The following RECQL4 variants were observed in gnomAD, a reference collection of about 807,000 sequenced individuals.
RECQL4 encodes the protein RecQ like helicase 4.
Under a neutral mutation model 128.6 loss-of-function variants are expected in RECQL4, and 158 were observed. The ratio of observed to expected loss-of-function variants is 1.23; its 90% CI spans 1.08 to 1.40. The LOEUF (loss-of-function observed/expected upper bound fraction) is 1.40, where lower values mean the gene tolerates loss of function less well. RECQL4 is among the 40% of genes most tolerant of loss of function. RECQL4 has a pLI of 0.00. For missense variants in RECQL4, 2,293 were observed against 1,649.8 expected, an observed-to-expected ratio of 1.39 and a Z score of -6.75; for synonymous variants, 996 against 678.9, an observed-to-expected ratio of 1.47 and a Z score of -7.26.
In RECQL4 at chr8:144,512,011, G is replaced by C. The variant is rs1342629535; in HGVS notation, c.3293C>G (p.Thr1098Ser). ...GCGGCCGAGCAGGTCCTTGAGCCTG[G>C]TGCTGCGCTCCTCATCCTGCTGCTC... is the stretch of plus-strand genomic sequence containing the variant. The part of the protein sequence containing the change: ...CLEQQDEERS[T>S]RLKDLLGRYF... The change falls in exon 19 of 21, where the codon ACC (threonine) becomes AGC (serine). Residue 1098 changes from threonine to serine, a missense_variant. Thr to Ser is a moderately conservative substitution (Grantham distance 58). Coordinates refer to ENST00000617875, the MANE Select transcript of RECQL4 (RefSeq NM_004260.4). 1.2e-6 allele frequency: 2 copies of C among 1,609,396 alleles called. No individual in the cohort carries two copies. The highest frequency in any genetic ancestry group is 1.7e-5 in the Admixed American group (1 of 59,626).
In RECQL4 at chr8:144,513,633, G is replaced by T; in HGVS notation, c.2138C>A (p.Thr713Lys). ...TCGGAGGAGCGCAGCGATCCGCTCT[G>T]TGTCCTCGCGCCGGTTGCAGTAAAT... Reference protein sequence around the residue: ...IIIYCNRREDTERIAALLRTC... With the variant: ...IIIYCNRREDKERIAALLRTC... The change falls in exon 13 of 21, where the codon ACA (threonine) becomes AAA (lysine). Residue 713 changes from threonine (T) to lysine (K), a missense_variant. Thr to Lys is a moderately conservative substitution (Grantham distance 78). Transcript: ENST00000617875. The T allele has an allele frequency of 6.3e-7, 1 of 1,595,080 alleles. No individual in the cohort carries two copies. The highest frequency in any genetic ancestry group is 1.8e-5 in the Admixed American group (1 of 56,798).
Position 144,517,286 on chromosome 8 carries a change from C to T in RECQL4, c.214-96G>A, listed in dbSNP as rs1815288318. On this transcript the variant is annotated intron_variant, in intron 3 of 20. Transcript: ENST00000617875. Reference sequence around the variant, plus strand: ...CCCGCACCTGGAGCGAGGCCCGGCCCTTCTTCACTTTGCCCAGTCCCCCTC... The same window carrying T: ...CCCGCACCTGGAGCGAGGCCCGGCCTTTCTTCACTTTGCCCAGTCCCCCTC... 2.7e-6 allele frequency: 4 copies of T among 1,504,632 alleles called. No homozygotes were observed. The East Asian group carries it at 9.9e-5, about 37-fold the overall frequency. 93.2% of individuals were successfully genotyped at this position (1,504,632 alleles called of 1,614,324 possible). A position where few individuals can be genotyped will look rare whatever the true frequency, so the allele number is the denominator to read the frequency against.
chr8:144,513,499 G>A lies in RECQL4; in HGVS notation c.2201-19C>T, dbSNP rs1346902810. ...GCACGACCTTTGGGGAAGACAGGCA[G>A]ATGGTCAGTGGGATGGGACCATGTG... On this transcript the variant is annotated intron_variant, in intron 13 of 20. Transcript: ENST00000617875. The A allele has an allele frequency of 1.2e-6, 2 of 1,610,422 alleles. No homozygotes were observed. The highest frequency in any genetic ancestry group is 1.1e-5 in the South Asian group (1 of 91,056).
chr8:144,514,451 G>C lies in RECQL4; in HGVS notation c.1695C>G (p.Val565=), dbSNP rs577547011. The C allele has an allele frequency of 1.2e-6, 2 of 1,612,086 alleles. No homozygotes were observed. Among genetic ancestry groups the C allele is most frequent in the African/African-American group, 1.3e-5 (1 of 75,030 alleles). The change falls in exon 10 of 21, where the codon GTC becomes GTG. Residue 565 remains valine (V), a synonymous_variant. Coordinates refer to ENST00000617875, the MANE Select transcript of RECQL4 (RefSeq NM_004260.4). The part of the protein sequence containing the change: ...SGMTRKQRES[V]LQKIRAAQVH... Reference sequence around the variant, plus strand: ...CCCATGAGGCCCCCACCTTCTGCAGGACAGATTCCCGTTGCTTCCTGGTCA... The same window carrying C: ...CCCATGAGGCCCCCACCTTCTGCAGCACAGATTCCCGTTGCTTCCTGGTCA...
At chr8:144,517,239 A>C in intron 3 of RECQL4, 49 bp from the exon 4 acceptor site, 1 of 1,542,778 alleles carries the variant, frequency 6.5e-7, no homozygotes, top group Non-Finnish European at 8.7e-7. Flanking sequence ...TTGTGGCGGC[A>C]GAAGCGCTCC....
rs1427690035 is a variant in RECQL4, at chr8:144,513,995, A to T, written c.1991T>A (p.Leu664His). The T allele has an allele frequency of 2.6e-6, 4 of 1,567,890 alleles. No homozygotes were observed. Among genetic ancestry groups the T allele is most frequent in the Non-Finnish European group, 3.5e-6 (4 of 1,157,262 alleles). The change falls in exon 12 of 21, where the codon CTC becomes CAC. Residue 664 changes from leucine to histidine, a missense_variant. By Grantham distance (99) the Leu-to-His change is moderately conservative. Transcript: ENST00000617875. ...QHLAVAEEPD[L>H]HGPAPVPTNL... ...GGTGGGAACTGGGGCTGGCCCGTGG[A>T]GGTCAGGCTCTTCAGCCACAGCCAG...
intron 12 of RECQL4, 24 bp downstream of exon 12, chr8:144,513,904 G>A (rs1827758910): frequency 1.4e-6 from 2 of 1,455,060 alleles, no homozygotes; most frequent in South Asian, 1.3e-5. Flanking sequence ...GGCCCTGCAG[G>A]GTCCCCAGAG....
chr8:144,514,619 C>A (rs1827879382), intron 9 of RECQL4, 94 bp from the exon 10 acceptor site: 1 of 1,318,578 alleles, frequency 7.6e-7, no homozygotes, highest in Non-Finnish European at 1.0e-6. Context: ...ATCCTAGTCC[C>A]TCAGGGGAGA....
Position 144,517,698 on chromosome 8 carries a change from C to CA in RECQL4, c.84+2dup. 3 of 1,395,836 alleles carry CA rather than the reference C, an allele frequency of 2.1e-6. No individual in the cohort carries two copies. The highest frequency in any genetic ancestry group is 1.9e-6 in the Non-Finnish European group (2 of 1,076,534). The allele number at this position is 1,395,836 out of a possible 1,614,324, so 86.5% of individuals were successfully genotyped here. ...AGCCCCTCGGCCCCTGGGCAGCCCGCACCTGGCTCGGTCGCCGCCCGCGCT... is the reference window on the plus strand; with the variant it reads ...AGCCCCTCGGCCCCTGGGCAGCCCGCAACCTGGCTCGGTCGCCGCCCGCGCT... On this transcript the variant is annotated splice_region_variant and intron_variant, in intron 1 of 20. Coordinates refer to ENST00000617875, the MANE Select transcript of RECQL4 (RefSeq NM_004260.4).
chr8:144,512,690 C>A lies in RECQL4; in HGVS notation c.2837G>T (p.Arg946Leu), dbSNP rs773154902. 1.9e-6 allele frequency: 3 copies of A among 1,612,506 alleles called. No homozygotes were observed. The highest frequency in any genetic ancestry group is 8.5e-7 in the Non-Finnish European group (1 of 1,179,816). ...GGCAGGGCCCCCAGGGCAGTTCAGA[C>A]GGCAATGGGTATAGGTGGTCGCCAG... is the stretch of plus-strand genomic sequence containing the variant. Reference protein sequence around the residue: ...ELLATTYTHCRLNCPGGPAQL... With the variant: ...ELLATTYTHCLLNCPGGPAQL... Residue 946 changes from arginine (R) to leucine (L), a missense_variant, in exon 16 of 21, where the codon CGT becomes CTT. Physicochemically the swap from Arg to Leu is moderately radical, Grantham distance 102 (BLOSUM62 -2). Coordinates refer to ENST00000617875, the MANE Select transcript of RECQL4 (RefSeq NM_004260.4).
chr8:144,511,618 CA>C, intron 20 of RECQL4, 62 bp downstream of exon 20: 1 of 1,608,740 alleles, frequency 6.2e-7, no homozygotes, highest in African/African-American at 1.3e-5. Context: ...TGGAGCCTCC[CA>C]GGCCTCACCT....
chr8:144,515,130 G>A lies in RECQL4; in HGVS notation c.1483+20C>T. 1 of 1,570,398 alleles carries A rather than the reference G, an allele frequency of 6.4e-7. No homozygotes were observed. Among genetic ancestry groups the A allele is most frequent in the Non-Finnish European group, 8.6e-7 (1 of 1,159,008 alleles). On this transcript the variant is annotated intron_variant, in intron 8 of 20. Transcript: ENST00000617875. ...GCAGCCTGGCCTCAGCCCAGCCTCA[G>A]CCCTGGCAGCCACGCTCACCAGACA...
chr8:144,513,263 C>A lies in RECQL4; in HGVS notation c.2418G>T (p.Gly806=). ...ESYVQAVGRA[G]RDGQPAHCHL... ...GGCAGTGGGCAGGCTGCCCGTCACG[C>A]CCGGCCCGGCCCACGGCCTGCACGT... The change falls in exon 14 of 21, where the codon GGG becomes GGT. Residue 806 remains glycine, a synonymous_variant. Transcript: ENST00000617875. The A allele has an allele frequency of 6.3e-7, 1 of 1,593,202 alleles. No homozygotes were observed. Among genetic ancestry groups the A allele is most frequent in the Non-Finnish European group, 8.5e-7 (1 of 1,176,198 alleles).
rs374633148 is a variant in RECQL4 at position 144,514,405 on chromosome 8, G to A, written c.1704+37C>T. 8.9e-5 allele frequency: 143 copies of A among 1,601,214 alleles called. 2 individuals carry two copies. In the South Asian group the frequency reaches 9.5e-4, roughly 11 times the overall value. ...AGAGGCACAGCCCAGGTGCCCGCCC[G>A]CTGCCTCCCTCACCCCTAGGCCCAT... is the stretch of plus-strand genomic sequence containing the variant. On this transcript the variant is annotated intron_variant, in intron 10 of 20. Transcript: ENST00000617875.
In RECQL4 at chr8:144,511,314, C is replaced by G; in HGVS notation, c.*117G>C. 1 of 1,551,000 alleles carries G rather than the reference C, an allele frequency of 6.4e-7. No homozygotes were observed. Reference sequence around the variant, plus strand: ...AAAAACAAAGTGAGCATTTTTTATTCTGCATTTTGGAGCCTCCTCGTTCCC... The same window carrying G: ...AAAAACAAAGTGAGCATTTTTTATTGTGCATTTTGGAGCCTCCTCGTTCCC... On this transcript the variant is annotated 3_prime_UTR_variant, in exon 21 of 21. Coordinates refer to ENST00000617875, the MANE Select transcript of RECQL4 (RefSeq NM_004260.4).
Position 144,511,311 on chromosome 8 carries a change from A to T in RECQL4, c.*120T>A. On this transcript the variant is annotated 3_prime_UTR_variant, in exon 21 of 21. Coordinates refer to ENST00000617875, the MANE Select transcript of RECQL4 (RefSeq NM_004260.4). ...CATAAAAACAAAGTGAGCATTTTTTATTCTGCATTTTGGAGCCTCCTCGTT... is the reference window on the plus strand; with the variant it reads ...CATAAAAACAAAGTGAGCATTTTTTTTTCTGCATTTTGGAGCCTCCTCGTT... The T allele has an allele frequency of 1.9e-6, 3 of 1,549,766 alleles. 1 individual carries two copies. Among genetic ancestry groups the T allele is most frequent in the East Asian group, 4.5e-5 (2 of 44,162 alleles).
At chr8:144,514,151 C>G in intron 11 of RECQL4, 38 bp downstream of exon 11, 1 of 1,611,086 alleles carries the variant, frequency 6.2e-7, no homozygotes, top group Non-Finnish European at 8.5e-7. Flanking sequence ...CAGCCCATCC[C>G]GGCCCTGGCC....
rs1451651582 is a variant in RECQL4 at position 144,513,552 on chromosome 8, A to T, written c.2200+19T>A. The T allele has an allele frequency of 2.5e-6, 4 of 1,610,926 alleles. No individual in the cohort carries two copies. The East Asian group carries it at 8.9e-5, about 36-fold the overall frequency. On this transcript the variant is annotated intron_variant, in intron 13 of 20. Coordinates refer to ENST00000617875, the MANE Select transcript of RECQL4 (RefSeq NM_004260.4). ...CCCAAGGTGGGTCCACGGGGACACC[A>T]GCTCTGTCCATGCCGCACCTCCAGA...
Position 144,514,247 on chromosome 8 carries a change from G to A in RECQL4, c.1820C>T (p.Ala607Val), listed in dbSNP as rs1479605538. The A allele has an allele frequency of 1.2e-5, 20 of 1,612,290 alleles. No individual in the cohort carries two copies. The highest frequency in any genetic ancestry group is 1.6e-5 in the Non-Finnish European group (19 of 1,179,720). ...PPVAFACIDE[A>V]HCLSQWSHNF... ...GTGGGACCACTGGGAGAGGCAGTGG[G>A]CCTCATCAATGCAGGCAAAAGCAAC... Residue 607 changes from alanine to valine, a missense_variant, in exon 11 of 21, where the codon GCC (alanine) becomes GTC (valine). Transcript: ENST00000617875.
Sources: gnomAD v4.1 joint callset for allele counts on GRCh38, gnomAD v4.1.1 for gene constraint, MANE v1.5 for transcripts, NCBI Gene and HGNC (gene_info 2026-07-23, HGNC 2026-07-21) for gene names.